The following RBPJ variants were observed in gnomAD, a reference collection of about 807,000 sequenced individuals.
The protein encoded by RBPJ is recombination signal binding protein for immunoglobulin kappa J region.
RBPJ carries 9 observed loss-of-function variants against 67.8 expected under a neutral mutation model. The ratio of observed to expected loss-of-function variants is 0.13; its 90% CI spans 0.08 to 0.23. RBPJ has a LOEUF of 0.23. RBPJ is among the 10% of genes least tolerant of loss of function. The pLI, the probability that RBPJ is intolerant of heterozygous loss-of-function variation, is 1.00. For synonymous variants in RBPJ, 198 were observed against 203.3 expected (o/e 0.97, Z 0.22); for missense variants, 305 against 595.6 (o/e 0.51, Z 5.08).
intron 1 of RBPJ, among the ~76,000 whole-genome samples, chr4:26,262,884 C>G (rs146068686): frequency 1.2e-4 from 19 of 152,298 alleles, no homozygotes; most frequent in African/African-American, 3.8e-4. Context: ...GCCCTATAAT[C>G]AATCCATCAG....
At chr4:26,343,740 T>G (rs1423260655) in intron 1 of RBPJ, among the ~76,000 whole-genome samples, 1 of 86,326 alleles carries the variant, frequency 1.2e-5, no homozygotes, top group Non-Finnish European at 2.1e-5. Flanking sequence ...TTCTTTCTTC[T>G]TTTTTTTTTT....
At position 26,430,924 on chromosome 4, in the gene RBPJ, A is replaced by G; in HGVS notation, c.1381A>G (p.Asn461Asp). Residue 461 changes from asparagine (N) to aspartate (D), a missense_variant, in exon 11 of 11, where the codon AAC becomes GAC. Around this residue, in one of 7 missense-constraint regions of RBPJ, gnomAD observed 51 missense variants for 52.8 expected, o/e 0.97. Coordinates refer to ENST00000355476, the MANE Select transcript of RBPJ (RefSeq NM_015874.6). This position sits in a 1 kb window ranked among gnomAD's most constrained non-coding sequence, Gnocchi z 4.1. The stretch of plus-strand genomic sequence containing the variant: ...AAGCCAGGTGCCCCCTAACGAATCA[A>G]ACACAAACAGCGAGGGAAGTTACAC... ...NSSQVPPNESNTNSEGSYTNA... is the reference protein window; with the variant it reads ...NSSQVPPNESDTNSEGSYTNA... 1 of 1,614,138 alleles carries G rather than the reference A, an allele frequency of 6.2e-7. No individual in the cohort carries two copies. The highest frequency in any genetic ancestry group is 1.1e-5 in the South Asian group (1 of 91,076).
chr4:26,320,972 G>A (rs1577429231), upstream of RBPJ: 1 of 1,613,322 alleles, frequency 6.2e-7, no homozygotes, highest in Non-Finnish European at 8.5e-7. Context: ...GAGGGACCAG[G>A]GAAGGCGTCG....
At chr4:26,371,373 CAT>C (rs1169075035) in intron 1 of RBPJ, among the ~76,000 whole-genome samples, 7 of 152,194 alleles carry the variant, frequency 4.6e-5, no homozygotes, top group South Asian at 2.1e-4. Flanking sequence ...ATTGTACACA[CAT>C]GAGTCATCTT....
chr4:26,406,130 C>T (rs751915349), intron 2 of RBPJ, 45 bp from the exon 3 acceptor site: 3 of 1,253,008 alleles, frequency 2.4e-6, no homozygotes, highest in South Asian at 2.4e-5. Context: ...AAGATTTCAT[C>T]AAGAATTTCA....
chr4:26,279,527 C>T (rs958343799), intron 1 of RBPJ, among the ~76,000 whole-genome samples: 4 of 152,202 alleles, frequency 2.6e-5, no homozygotes, highest in Non-Finnish European at 5.9e-5. Flanking sequence ...CCACCCGCCT[C>T]GGCCTCCCAA....
At position 26,424,229 on chromosome 4, in the gene RBPJ, C is replaced by T; in HGVS notation, c.497-113C>T. The stretch of plus-strand genomic sequence containing the variant: ...TTGGAAAGTGAAAATATTTGTCAAA[C>T]TGTTAAATGATAAGAAAGAATAATT... On this transcript the variant is annotated intron_variant, in intron 5 of 10. Coordinates refer to ENST00000355476, the MANE Select transcript of RBPJ (RefSeq NM_015874.6). This position sits in a 1 kb window ranked among gnomAD's most constrained non-coding sequence, Gnocchi z 5.3. 1.0e-6 allele frequency: 1 copy of T among 1,000,064 alleles called. No individual in the cohort carries two copies. Among genetic ancestry groups the T allele is most frequent in the South Asian group, 1.6e-5 (1 of 61,706 alleles). The allele number at this position is 1,000,064 out of a possible 1,614,324, so 61.9% of individuals were successfully genotyped here.
At chr4:26,160,644 T>C (rs761139829), upstream of RBPJ, among the ~76,000 whole-genome samples, 1 of 152,110 alleles carries the variant, frequency 6.6e-6, no homozygotes, top group Non-Finnish European at 1.5e-5. Context: ...TTCTCTCTGG[T>C]AAGGAGGTTG....
At chr4:26,272,802 A>G (rs1440939462) in intron 1 of RBPJ, 1 of 434,264 alleles carries the variant, frequency 2.3e-6, no homozygotes. Flanking sequence ...GATGGAGGAA[A>G]GTCCTATTGG....
At chr4:26,159,397 A>C (rs1254051268), upstream of RBPJ, among the ~76,000 whole-genome samples, 3 of 152,096 alleles carry the variant, frequency 2.0e-5, no homozygotes, top group Non-Finnish European at 4.4e-5. Context: ...TGGGGTGGGG[A>C]TAGATGATGC....
chr4:26,270,797 C>T (rs1180684491), intron 1 of RBPJ, among the ~76,000 whole-genome samples: 1 of 152,014 alleles, frequency 6.6e-6, no homozygotes, highest in Non-Finnish European at 1.5e-5. Flanking sequence ...GACAGCTTGA[C>T]AAGAGACAAG....
intron 1 of RBPJ, among the ~76,000 whole-genome samples, chr4:26,345,453 A>G (rs1160804990): frequency 6.6e-6 from 1 of 152,220 alleles, no homozygotes; most frequent in African/African-American, 2.4e-5. Flanking sequence ...AAAAGCGCCT[A>G]CTGAGGTTTG....
At chr4:26,414,189 T>A (rs1026248875) in intron 3 of RBPJ, among the ~76,000 whole-genome samples, 6 of 152,106 alleles carry the variant, frequency 3.9e-5, no homozygotes, top group Admixed American at 1.3e-4. Flanking sequence ...TTTTTTTTTT[T>A]AAGACAGAGT....
intron 1 of RBPJ, among the ~76,000 whole-genome samples, chr4:26,223,141 C>T (rs1005795157): frequency 2.1e-5 from 3 of 140,158 alleles, no homozygotes; most frequent in African/African-American, 8.3e-5. Context: ...GGCAACAGTG[C>T]GAGACACTGT....
At chr4:26,328,146 G>A (rs1199723643) in intron 1 of RBPJ, among the ~76,000 whole-genome samples, 1 of 149,618 alleles carries the variant, frequency 6.7e-6, no homozygotes, top group African/African-American at 2.5e-5. Flanking sequence ...CATTTTTCAT[G>A]CAAAAAATTA....
At chr4:26,190,534 A>T (rs1045194239) in intron 1 of RBPJ, among the ~76,000 whole-genome samples, 1 of 152,180 alleles carries the variant, frequency 6.6e-6, no homozygotes, top group African/African-American at 2.4e-5. Flanking sequence ...ATACAGTGAG[A>T]GAAAGGAAAA....
chr4:26,107,445 T>C, the RBPJ span, among the ~76,000 whole-genome samples: 1 of 152,218 alleles, frequency 6.6e-6, no homozygotes, highest in Middle Eastern at 3.2e-3. Flanking sequence ...CTTCAAATGT[T>C]TGGCTTCTCA....
the RBPJ span, among the ~76,000 whole-genome samples, chr4:26,127,509 C>T: frequency 6.6e-6 from 1 of 152,156 alleles, no homozygotes; most frequent in African/African-American, 2.4e-5. Context: ...AGGCATCAGG[C>T]ATGATGGCAT....
intron 1 of RBPJ, among the ~76,000 whole-genome samples, chr4:26,329,727 T>C (rs1197456918): frequency 2.0e-5 from 3 of 152,070 alleles, no homozygotes; most frequent in African/African-American, 7.2e-5. Flanking sequence ...ACCCTGTCTC[T>C]ACTAAAAATA....
Sources: allele counts gnomAD v4.1 joint callset (sites outside exome capture counted in the v4.1 genomes callset), GRCh38; gene constraint gnomAD v4.1.1; regional missense constraint gnomAD v4.1.1; non-coding constraint Gnocchi (gnomAD v3.1); transcripts MANE v1.5; gene names NCBI Gene and HGNC (gene_info 2026-07-23, HGNC 2026-07-21).